Variants in CETN3 observed in about 807,000 individuals in gnomAD.
CETN3 encodes centrin-3.
Under a neutral mutation model 20.1 loss-of-function variants are expected in CETN3, and 17 were observed. The observed-to-expected ratio is 0.85, with a 90% CI of 0.58 to 1.27. The LOEUF is 1.27. Among genes scored for constraint, CETN3 ranks in the 50% most tolerant of loss-of-function variants. CETN3 has a pLI of 0.00. For synonymous variants in CETN3, 52 were observed against 59.7 expected, an observed-to-expected ratio of 0.87 and a Z score of 0.59; for missense variants, 169 against 191.2, an observed-to-expected ratio of 0.88 and a Z score of 0.69.
At chr5:90,396,570 T>C (rs1246305268) in intron 4 of CETN3, 35 of 1,526,188 alleles carry the variant, frequency 2.3e-5, no homozygotes, top group Non-Finnish European at 2.5e-5. Flanking sequence ...AAGAACTGTA[T>C]TAAGAGAAAA....
intron 3 of CETN3, among the ~76,000 whole-genome samples, chr5:90,404,656 A>G (rs1749387037): frequency 6.6e-6 from 1 of 151,986 alleles, no homozygotes; most frequent in South Asian, 2.1e-4. Context: ...ACTGCTTATG[A>G]CTTGAGCTTT....
chr5:90,409,086 G>A (rs1749548502), intron 1 of CETN3, among the ~76,000 whole-genome samples: 1 of 152,130 alleles, frequency 6.6e-6, no homozygotes, highest in African/African-American at 2.4e-5. Context: ...GGGCAACAGA[G>A]GGTTAGAGGT....
chr5:90,396,202 AAGCTATGAGTTAGGAAAAATG>A, intron 4 of CETN3: 1 of 985,322 alleles, frequency 1.0e-6, no homozygotes, highest in Non-Finnish European at 1.2e-6. Context: ...TCACAGAAAT[AAGCTATGAGTTAGGAAAAATG>A]CACCCTCCAG....
In CETN3 at chr5:90,393,444, A is replaced by T. The variant is rs1749064126; in HGVS notation, c.*620T>A. The T allele has an allele frequency of 6.6e-6, 1 of 152,196 alleles. No homozygotes were observed. The allele number at this position is 152,196 out of a possible 1,614,324, so 9.4% of individuals were successfully genotyped here. A position where few individuals can be genotyped will look rare whatever the true frequency, so the allele number is the denominator to read the frequency against. ...GTTAAGAAACATAATACACAAGGAT[A>T]AATGGGTCTATCTGCACAATACTTA... On this transcript the variant is annotated 3_prime_UTR_variant, in exon 5 of 5. Transcript: ENST00000283122.
chr5:90,394,075 C>T lies in CETN3; in HGVS notation c.493G>A (p.Gly165Ser). ...NQEEFIAIMTGDI is the reference protein window; with the variant it reads ...NQEEFIAIMTSDI ...ATCCTTGTAATTCTTTAAATGTCAC[C>T]AGTCATAATAGCAATGAACTCCTCT... The change falls in exon 5 of 5, where the codon GGT (glycine) becomes AGT (serine). Residue 165 changes from glycine (G) to serine (S), a missense_variant. Gly to Ser is a moderately conservative substitution (Grantham distance 56). Transcript: ENST00000283122. The T allele has an allele frequency of 1.3e-6, 2 of 1,544,776 alleles. No individual in the cohort carries two copies. The highest frequency in any genetic ancestry group is 1.8e-6 in the Non-Finnish European group (2 of 1,125,870).
intron 3 of CETN3, among the ~76,000 whole-genome samples, chr5:90,404,091 A>G (rs745860113): frequency 3.3e-5 from 5 of 152,114 alleles, no homozygotes; most frequent in Non-Finnish European, 7.4e-5. Flanking sequence ...TTTTAAAGTA[A>G]TAATAATAGC....
intron 1 of CETN3, among the ~76,000 whole-genome samples, chr5:90,409,411 G>A (rs1749561119): frequency 6.6e-6 from 1 of 152,120 alleles, no homozygotes; most frequent in Non-Finnish European, 1.5e-5. Flanking sequence ...GCAGTCCAAA[G>A]CCCTACGCGC....
chr5:90,407,855 G>GCCCTA (rs770058790), intron 1 of CETN3, 21 bp from the exon 2 acceptor site: 1 of 1,552,240 alleles, frequency 6.4e-7, no homozygotes, highest in Admixed American at 2.0e-5. Context: ...GAAAGAAAAA[G>GCCCTA]CCCTTAGTCC....
chr5:90,409,033 G>A (rs1314342301), intron 1 of CETN3, among the ~76,000 whole-genome samples: 1 of 152,138 alleles, frequency 6.6e-6, no homozygotes, highest in Non-Finnish European at 1.5e-5. Flanking sequence ...AGTGTCGTAA[G>A]TGTATGGATA....
intron 3 of CETN3, 82 bp from the exon 4 acceptor site, chr5:90,399,631 T>C: frequency 8.9e-7 from 1 of 1,117,678 alleles, no homozygotes; most frequent in Non-Finnish European, 1.3e-6. Flanking sequence ...AAATATTAGA[T>C]GAGAATTAAA....
rs1191891828 is a variant in CETN3 at position 90,407,823 on chromosome 5, A to G, written c.29T>C (p.Val10Ala). 7 of 1,590,238 alleles carry G rather than the reference A, an allele frequency of 4.4e-6. No homozygotes were observed. The highest frequency in any genetic ancestry group is 3.6e-5 in the Admixed American group (2 of 56,222). ...TTTTTTCCTCTTTGTTTTGTCCACTACAAGCTCACTTCTATGAAATGGAAA... is the reference window on the plus strand; with the variant it reads ...TTTTTTCCTCTTTGTTTTGTCCACTGCAAGCTCACTTCTATGAAATGGAAA... Reference protein sequence around the residue: MSLALRSELVVDKTKRKKRR... With the variant: MSLALRSELAVDKTKRKKRR... Residue 10 changes from valine to alanine, a missense_variant, in exon 2 of 5, where the codon GTA (valine) becomes GCA (alanine). Coordinates refer to ENST00000283122, the MANE Select transcript of CETN3 (RefSeq NM_004365.4).
Position 90,409,736 on chromosome 5 carries a change from C to T in CETN3, c.-75G>A. On this transcript the variant is annotated 5_prime_UTR_variant, in exon 1 of 5. Transcript: ENST00000283122. ...CCCAAGGCAGCAAGACGCCCACAGC[C>T]GTTCAACAGACACGAACGACCTCAG... 6.4e-7 allele frequency: 1 copy of T among 1,574,358 alleles called. No homozygotes were observed. The highest frequency in any genetic ancestry group is 1.1e-5 in the South Asian group (1 of 90,298).
chr5:90,407,744 T>G lies in CETN3; in HGVS notation c.108A>C (p.Leu36=). The stretch of plus-strand genomic sequence containing the variant: ...TTGCTTCATCTTTGTCTGTATCAAA[T>G]AGTTCAAAAGCATCTTTAATTTCTT... ...QKQEIKDAFE[L]FDTDKDEAID... The change falls in exon 2 of 5, where the codon CTA becomes CTC. Residue 36 remains leucine, a synonymous_variant. Coordinates refer to ENST00000283122, the MANE Select transcript of CETN3 (RefSeq NM_004365.4). 6.3e-7 allele frequency: 1 copy of G among 1,587,966 alleles called. No homozygotes were observed. The highest frequency in any genetic ancestry group is 8.6e-7 in the Non-Finnish European group (1 of 1,160,936).
intron 3 of CETN3, among the ~76,000 whole-genome samples, chr5:90,400,565 C>A (rs1749260247): frequency 6.7e-6 from 1 of 149,236 alleles, no homozygotes; most frequent in Non-Finnish European, 1.5e-5. Flanking sequence ...ATAACTCGGT[C>A]CTGTTGAAGG....
rs1178662025 is a variant in CETN3, at chr5:90,406,854, AAC to A, written c.153+843_153+844del. 1.6e-3 allele frequency among the ~76,000 whole-genome samples: 217 copies of A among 132,400 alleles called. 7 individuals are homozygous for A. The highest frequency in any genetic ancestry group is 7.6e-3 in the African/African-American group (194 of 25,586). 86.9% of individuals were successfully genotyped at this position (132,400 alleles called of 152,430 possible). On this transcript the variant is annotated intron_variant, in intron 2 of 4. Transcript: ENST00000283122. Reference sequence around the variant, plus strand: ...ATCTGGGTAACCAAAAAAAAAAAAAAACAAAAAAAACAGTGGGAAAAGAGAGC... The same window carrying A: ...ATCTGGGTAACCAAAAAAAAAAAAAAAAAAAAAACAGTGGGAAAAGAGAGC...
At chr5:90,407,966 A>G (rs1731345305) in intron 1 of CETN3, 132 bp from the exon 2 acceptor site, 5 of 679,618 alleles carry the variant, frequency 7.4e-6, no homozygotes, top group Non-Finnish European at 1.1e-5. Flanking sequence ...TCCCTTTATG[A>G]GTCAATGACC....
intron 4 of CETN3, chr5:90,396,546 A>C: frequency 4.6e-6 from 7 of 1,533,598 alleles, no homozygotes; most frequent in Non-Finnish European, 5.2e-6. Context: ...AATAGGAAGC[A>C]AGAGTATGTT....
In CETN3 at chr5:90,406,881, C is replaced by T. The variant is rs188155663; in HGVS notation, c.153+818G>A. Among the ~76,000 whole-genome samples the T allele has an allele frequency of 2.9e-3, 434 of 148,286 alleles. 1 individual carries two copies. The highest frequency in any genetic ancestry group is 0.01 in the African/African-American group (414 of 40,360). On this transcript the variant is annotated intron_variant, in intron 2 of 4. Coordinates refer to ENST00000283122, the MANE Select transcript of CETN3 (RefSeq NM_004365.4). ...CAAAAAAAACAGTGGGAAAAGAGAG[C>T]CAAAGAGGACTGCAAGATTGAGAAA...
At chr5:90,396,409 C>A in intron 4 of CETN3, 2 of 1,455,034 alleles carry the variant, frequency 1.4e-6, no homozygotes, top group Non-Finnish European at 1.8e-6. Flanking sequence ...GTCTGAATAT[C>A]TTAGGAAAGC....
Sources: allele counts gnomAD v4.1 joint callset (sites outside exome capture counted in the v4.1 genomes callset), GRCh38; gene constraint gnomAD v4.1.1; transcripts MANE v1.5; gene names NCBI Gene and HGNC (gene_info 2026-07-23, HGNC 2026-07-21).